Variants in SYNE2 observed in about 807,000 individuals in gnomAD.
SYNE2 encodes the protein nesprin-2.
A neutral mutation model predicts 856.3 loss-of-function variants in SYNE2; 431 were observed. The ratio of observed to expected loss-of-function variants is 0.50; its 90% CI spans 0.47 to 0.55. The LOEUF (loss-of-function observed/expected upper bound fraction) is 0.55, where lower values mean the gene tolerates loss of function less well. Among genes scored for constraint, SYNE2 ranks in the 20% least tolerant of loss-of-function variants. The probability of loss-of-function intolerance (pLI) is 0.00; values close to 1 mark genes in which losing one functional copy is unlikely to be tolerated. For missense variants in SYNE2, 8,129 were observed against 8,023.2 expected, an observed-to-expected ratio of 1.01 and a Z score of -0.50; for synonymous variants, 2,923 against 2,872.3, an observed-to-expected ratio of 1.02 and a Z score of -0.56.
intron 32 of SYNE2, among the ~76,000 whole-genome samples, 155 bp from the exon 33 acceptor site, chr14:64,016,318 G>A (rs1443892694): frequency 6.6e-6 from 1 of 152,076 alleles, no homozygotes; most frequent in Non-Finnish European, 1.5e-5. Flanking sequence ...GAGAAAGTGG[G>A]ACGATAAAAA....
chr14:64,104,575 G>A (rs578172429), intron 64 of SYNE2, among the ~76,000 whole-genome samples: 2 of 150,160 alleles, frequency 1.3e-5, no homozygotes, highest in African/African-American at 2.4e-5. Flanking sequence ...TCAGCCTCCC[G>A]AGCAGCTGGG....
At chr14:63,910,092 G>T (rs2095455133) in intron 2 of SYNE2, among the ~76,000 whole-genome samples, 1 of 152,162 alleles carries the variant, frequency 6.6e-6, no homozygotes, top group Non-Finnish European at 1.5e-5. Context: ...TAGTATAAAA[G>T]AAATAAGGCT....
chr14:64,223,553 C>G (rs1301425810), intron 113 of SYNE2, among the ~76,000 whole-genome samples, 173 bp downstream of exon 113: 1 of 152,158 alleles, frequency 6.6e-6, no homozygotes, highest in Non-Finnish European at 1.5e-5. Context: ...GCTGCATGAG[C>G]TCTTTGAATC....
chr14:63,921,663 G>T (rs555539440), intron 2 of SYNE2, among the ~76,000 whole-genome samples: 1 of 152,330 alleles, frequency 6.6e-6, no homozygotes, highest in Non-Finnish European at 1.5e-5. Context: ...AGTGGCCTAG[G>T]TGAGAATTAG....
Position 63,982,751 on chromosome 14 carries a change from G to A in SYNE2, c.1958G>A (p.Arg653Lys). 6.2e-7 allele frequency: 1 copy of A among 1,614,004 alleles called. No individual in the cohort carries two copies. The highest frequency in any genetic ancestry group is 8.5e-7 in the Non-Finnish European group (1 of 1,179,958). The change falls in exon 17 of 116, where the codon AGG becomes AAG. Residue 653 changes from arginine to lysine, a missense_variant. Physicochemically the swap from Arg to Lys is conservative, Grantham distance 26. Around this residue, in one of 3 missense-constraint regions of SYNE2, gnomAD observed 2,422 missense variants for 2,357.4 expected, o/e 1.03. Coordinates refer to ENST00000555002, the MANE Select transcript of SYNE2 (RefSeq NM_182914.3). ...VGSSISKELRRLNKRWRKLVS... is the reference protein window; with the variant it reads ...VGSSISKELRKLNKRWRKLVS... ...TCATCTATTTCTAAAGAACTGAGAA[G>A]GCTGAATAAAAGATGGAGAAAGTTG...
intron 96 of SYNE2, among the ~76,000 whole-genome samples, chr14:64,181,783 G>A (rs2098459337): frequency 6.6e-6 from 1 of 152,106 alleles, no homozygotes; most frequent in Non-Finnish European, 1.5e-5. Context: ...TCCCACTACA[G>A]CCACGTTGAG....
At chr14:63,878,700 G>A (rs2094785950) in intron 1 of SYNE2, among the ~76,000 whole-genome samples, 2 of 152,028 alleles carry the variant, frequency 1.3e-5, no homozygotes, top group African/African-American at 2.4e-5. Flanking sequence ...CTGCCATCAG[G>A]CCTGGCTAAA....
rs35611511 is a variant in SYNE2, at chr14:64,080,055, G to T, written c.11164-401G>T. Among the ~76,000 whole-genome samples the T allele has an allele frequency of 1.6e-3, 241 of 152,114 alleles. 1 individual carries two copies. Among genetic ancestry groups the T allele is most frequent in the South Asian group, 2.9e-3 (14 of 4,810 alleles). Reference sequence around the variant, plus strand: ...GTAGATTAAGAGAGCGTGTGTGTGTGTGTGTGTGTGCGCGTGCGTGTGTGT... The same window carrying T: ...GTAGATTAAGAGAGCGTGTGTGTGTTTGTGTGTGTGCGCGTGCGTGTGTGT... On this transcript the variant is annotated intron_variant, in intron 55 of 115. Coordinates refer to ENST00000555002, the MANE Select transcript of SYNE2 (RefSeq NM_182914.3).
chr14:64,191,977 GAT>G (rs1567602662), intron 99 of SYNE2, among the ~76,000 whole-genome samples: 1 of 152,186 alleles, frequency 6.6e-6, no homozygotes, highest in Non-Finnish European at 1.5e-5. Context: ...CTGCTGTGAG[GAT>G]ATGTGTCATG....
At position 64,070,904 on chromosome 14, in the gene SYNE2, G is replaced by T. The variant is rs769328038; in HGVS notation, c.10691G>T (p.Cys3564Phe). Residue 3564 changes from cysteine (C) to phenylalanine (F), a missense_variant, in exon 52 of 116, where the codon TGC becomes TTC. Physicochemically the swap from Cys to Phe is radical, Grantham distance 205. Coordinates refer to ENST00000555002, the MANE Select transcript of SYNE2 (RefSeq NM_182914.3). ...GAAATTACTTCTATGAAAGAACGAT[G>T]CAACAAGTAAGATTTATGAAAAACT... is the stretch of plus-strand genomic sequence containing the variant. ...FQEITSMKER[C>F]NKLLQKVQKN... 6 of 1,613,998 alleles carry T rather than the reference G, an allele frequency of 3.7e-6. No individual in the cohort carries two copies. Among genetic ancestry groups the T allele is most frequent in the Non-Finnish European group, 4.2e-6 (5 of 1,179,984 alleles).
rs761080544 is a variant in SYNE2 at position 64,007,068 on chromosome 14, A to G, written c.4423A>G (p.Lys1475Glu). The part of the protein sequence containing the change: ...HRKKSLIRLD[K>E]VLDEYEEEKR... ...GAAAAAATCATTAATCAGACTGGAT[A>G]AGGTTCTAGATGAATATGAAGAAGA... The change falls in exon 31 of 116, where the codon AAG becomes GAG. Residue 1475 changes from lysine to glutamate, a missense_variant. Physicochemically the swap from Lys to Glu is moderately conservative, Grantham distance 56. This residue lies in a region of SYNE2 where 2,422 missense variants were observed against 2,357.4 expected (regional missense o/e 1.03). Coordinates refer to ENST00000555002, the MANE Select transcript of SYNE2 (RefSeq NM_182914.3). 54 of 1,613,426 alleles carry G rather than the reference A, an allele frequency of 3.3e-5. No individual in the cohort carries two copies. The highest frequency in any genetic ancestry group is 3.4e-6 in the Non-Finnish European group (4 of 1,179,570).
chr14:64,212,897 C>G lies in SYNE2; in HGVS notation c.18948C>G (p.Pro6316=). Residue 6316 remains proline, a synonymous_variant, in exon 105 of 116, where the codon CCC becomes CCG. Coordinates refer to ENST00000555002, the MANE Select transcript of SYNE2 (RefSeq NM_182914.3). ...FGEQLIQKSE[P]LDAVLIEDEL... is the part of the protein sequence containing the mutation. ...AGCAGCTGATTCAGAAGAGCGAGCCCCTGGATGCTGTGCTGATTGAGGATG... is the reference window on the plus strand; with the variant it reads ...AGCAGCTGATTCAGAAGAGCGAGCCGCTGGATGCTGTGCTGATTGAGGATG... 2 of 1,614,144 alleles carry G rather than the reference C, an allele frequency of 1.2e-6. No homozygotes were observed. Among genetic ancestry groups the G allele is most frequent in the Non-Finnish European group, 1.7e-6 (2 of 1,180,040 alleles).
intron 111 of SYNE2, among the ~76,000 whole-genome samples, chr14:64,221,162 G>A (rs553900016): frequency 6.6e-6 from 1 of 152,246 alleles, no homozygotes; most frequent in African/African-American, 2.4e-5. Context: ...TGCACAGCGG[G>A]TGTGAGCTCT....
At chr14:63,994,240 A>G (rs1340981485) in intron 22 of SYNE2, among the ~76,000 whole-genome samples, 1 of 152,232 alleles carries the variant, frequency 6.6e-6, no homozygotes, top group East Asian at 1.9e-4. Context: ...AACACCACCT[A>G]CTGGGCAGAA....
intron 80 of SYNE2, 51 bp from the exon 81 acceptor site, chr14:64,141,290 T>C: frequency 6.7e-7 from 1 of 1,491,140 alleles, no homozygotes. Flanking sequence ...CGACTCTTAC[T>C]TTCTGCTATA....
chr14:64,014,954 T>C (rs1358187475), intron 32 of SYNE2, among the ~76,000 whole-genome samples: 3 of 119,200 alleles, frequency 2.5e-5, no homozygotes, highest in African/African-American at 1.5e-4. Context: ...TATATATATA[T>C]ATATATATAT....
intron 1 of SYNE2, among the ~76,000 whole-genome samples, chr14:63,882,877 G>T (rs66684280): frequency 0.13 from 20,271 of 152,012 alleles, 1,440 homozygotes; most frequent in African/African-American, 0.19. Context: ...TCACTTCCAT[G>T]AGCCTTGGTT....
intron 66 of SYNE2, among the ~76,000 whole-genome samples, chr14:64,114,236 G>C (rs2097836870): frequency 6.6e-6 from 1 of 152,172 alleles, no homozygotes; most frequent in Non-Finnish European, 1.5e-5. Context: ...CAGCCCGAAG[G>C]TTGGGGTTTC....
intron 87 of SYNE2, 125 bp downstream of exon 87, chr14:64,159,567 G>T: frequency 8.8e-7 from 1 of 1,131,408 alleles, no homozygotes; most frequent in Non-Finnish European, 1.3e-6. Context: ...TACTGTTCTG[G>T]TCTCTTCTGC....
Sources: allele counts gnomAD v4.1 joint callset (sites outside exome capture counted in the v4.1 genomes callset), GRCh38; gene constraint gnomAD v4.1.1; regional missense constraint gnomAD v4.1.1; transcripts MANE v1.5; gene names NCBI Gene and HGNC (gene_info 2026-07-23, HGNC 2026-07-21).